Variants in ATP2A3 observed in about 807,000 individuals in gnomAD.
The protein encoded by ATP2A3 is ATPase sarcoplasmic/endoplasmic reticulum Ca2+ transporting 3.
In ATP2A3, 61 loss-of-function variants were observed where a neutral mutation model predicts 106.8. That is an observed-to-expected ratio of 0.57 (90% CI 0.46 to 0.71). The LOEUF (loss-of-function observed/expected upper bound fraction) is 0.71. Ranked by LOEUF, ATP2A3 falls within the 30% of genes least tolerant of loss-of-function variation. ATP2A3 has a pLI of 0.00. For missense variants in ATP2A3, 1,201 were observed against 1,423.5 expected, an observed-to-expected ratio of 0.84 and a Z score of 2.52; for synonymous variants, 611 against 609.3, an observed-to-expected ratio of 1.00 and a Z score of -0.04.
At chr17:3,950,640 C>T in intron 6 of ATP2A3, 44 bp from the exon 7 acceptor site, 1 of 1,613,608 alleles carries the variant, frequency 6.2e-7, no homozygotes. Flanking sequence ...TGAAGACACG[C>T]CCATCCCTTA....
At chr17:3,937,928 A>C (rs554882489) in intron 14 of ATP2A3, among the ~76,000 whole-genome samples, 1 of 152,078 alleles carries the variant, frequency 6.6e-6, no homozygotes, top group Non-Finnish European at 1.5e-5. Context: ...GGTAGGGATG[A>C]AATTGAGGTT....
In ATP2A3 at chr17:3,941,278, C is replaced by T. The variant is rs2053755887; in HGVS notation, c.1793G>A (p.Gly598Asp). ...ETDLTFVGCV[G>D]MLDPPRPEVA... ...CTCAGGTCGCGGCGGGTCCAGCATG[C>T]CTACGCAGCCCACGAAGGTCAGGTC... is the stretch of plus-strand genomic sequence containing the variant. Residue 598 changes from glycine (G) to aspartate (D), a missense_variant, in exon 14 of 21, where the codon GGC becomes GAC. Gly to Asp is a moderately conservative substitution (Grantham distance 94). Around this residue, in one of 2 missense-constraint regions of ATP2A3, gnomAD observed 935 missense variants for 1,176.7 expected, o/e 0.79. Transcript: ENST00000397041. The T allele has an allele frequency of 1.9e-6, 3 of 1,613,652 alleles. No homozygotes were observed. Among genetic ancestry groups the T allele is most frequent in the Non-Finnish European group, 2.5e-6 (3 of 1,179,968 alleles).
At position 3,936,204 on chromosome 17, in the gene ATP2A3, C is replaced by T; in HGVS notation, c.2524+63G>A. On this transcript the variant is annotated intron_variant, in intron 16 of 20. Coordinates refer to ENST00000397041, the MANE Select transcript of ATP2A3 (RefSeq NM_005173.4). This position sits in a 1 kb window ranked among gnomAD's most constrained non-coding sequence, Gnocchi z 5.4. Reference sequence around the variant, plus strand: ...GCTGAGTCACACTGTCTGCAGCTTGCAAGCCTGATACAAGGCTCTTAGGAA... The same window carrying T: ...GCTGAGTCACACTGTCTGCAGCTTGTAAGCCTGATACAAGGCTCTTAGGAA... 2.5e-6 allele frequency: 4 copies of T among 1,591,750 alleles called. No homozygotes were observed. Among genetic ancestry groups the T allele is most frequent in the Admixed American group, 1.7e-5 (1 of 59,986 alleles).
At chr17:3,935,395 C>A in intron 16 of ATP2A3, 118 bp from the exon 17 acceptor site, 1 of 999,512 alleles carries the variant, frequency 1.0e-6, no homozygotes, top group South Asian at 1.4e-5. Flanking sequence ...CTCTCTCAGC[C>A]CTGTGGTTTG....
At position 3,930,105 on chromosome 17, in the gene ATP2A3, C is replaced by T. The variant is rs1055227320; in HGVS notation, c.2744+196G>A. ...CCCAATCTTGGACCCTCTTGACCCA[C>T]AGACCCCAATCCTGGACCCCTGACC... On this transcript the variant is annotated intron_variant, in intron 18 of 20. Transcript: ENST00000397041. The surrounding 1 kb of genome is among the most constrained non-coding windows in gnomAD (Gnocchi z 5.4). Among the ~76,000 whole-genome samples, 7 of 151,480 alleles carry T rather than the reference C, an allele frequency of 4.6e-5. No homozygotes were observed. Among genetic ancestry groups the T allele is most frequent in the African/African-American group, 1.7e-4 (7 of 41,162 alleles).
chr17:3,938,036 T>A (rs908718470), intron 14 of ATP2A3, among the ~76,000 whole-genome samples: 1 of 152,000 alleles, frequency 6.6e-6, no homozygotes, highest in Non-Finnish European at 1.5e-5. Flanking sequence ...GCCAGGTAGG[T>A]GTTGTAGTCA....
At chr17:3,958,731 CACATATATATAG>C (rs1199529840) in intron 1 of ATP2A3, among the ~76,000 whole-genome samples, 2 of 76,266 alleles carry the variant, frequency 2.6e-5, no homozygotes, top group East Asian at 3.4e-4. Context: ...CATATATATA[CACATATATATAG>C]ACACACATAT....
At chr17:3,944,844 C>T in intron 9 of ATP2A3, 38 bp from the exon 10 acceptor site, 1 of 1,571,624 alleles carries the variant, frequency 6.4e-7, no homozygotes, top group East Asian at 2.3e-5. Flanking sequence ...GACCTCGGCT[C>T]CGCCCCCGAG....
Position 3,957,956 on chromosome 17 carries a change from TG to T in ATP2A3, c.119-4247del, listed in dbSNP as rs550717736. Reference sequence around the variant, plus strand: ...TCTGAGCCTCCGCCACGGTGACCCCTGCCTGGCTCATGTTGCCAGACTGAGA... The same window carrying T: ...TCTGAGCCTCCGCCACGGTGACCCCTCCTGGCTCATGTTGCCAGACTGAGA... On this transcript the variant is annotated intron_variant, in intron 1 of 20. Transcript: ENST00000397041. Among the ~76,000 whole-genome samples, 425 of 152,342 alleles carry T rather than the reference TG, an allele frequency of 2.8e-3. 11 individuals carry two copies. The highest frequency in any genetic ancestry group is 6.8e-4 in the Non-Finnish European group (46 of 68,026).
intron 14 of ATP2A3, among the ~76,000 whole-genome samples, chr17:3,939,550 A>G (rs1441129404): frequency 6.6e-6 from 1 of 152,046 alleles, no homozygotes; most frequent in Admixed American, 6.6e-5. Flanking sequence ...GCACTTTGGG[A>G]GGCTGAGGCG....
At position 3,964,426 on chromosome 17, in the gene ATP2A3, G is replaced by C; in HGVS notation, c.-135C>G. 2 of 322,672 alleles carry C rather than the reference G, an allele frequency of 6.2e-6. No individual in the cohort carries two copies. Among genetic ancestry groups the C allele is most frequent in the Non-Finnish European group, 9.4e-6 (2 of 211,728 alleles). 20.0% of individuals were successfully genotyped at this position (322,672 alleles called of 1,614,324 possible). On this transcript the variant is annotated 5_prime_UTR_variant, in exon 1 of 21. Coordinates refer to ENST00000397041, the MANE Select transcript of ATP2A3 (RefSeq NM_005173.4). Reference sequence around the variant, plus strand: ...CCATGTCCGTGCTGGGACCTTACCCGACGGCAGTGGCGGCGGCGGCCCCGG... The same window carrying C: ...CCATGTCCGTGCTGGGACCTTACCCCACGGCAGTGGCGGCGGCGGCCCCGG...
At position 3,947,816 on chromosome 17, in the gene ATP2A3, C is replaced by T. The variant is rs370937213; in HGVS notation, c.670G>A (p.Val224Met). Residue 224 changes from valine to methionine, a missense_variant, in exon 8 of 21, where the codon GTG becomes ATG. By Grantham distance (21) the Val-to-Met change is conservative (BLOSUM62 1). This residue lies in a region of ATP2A3 where 935 missense variants were observed against 1,176.7 expected (regional missense o/e 0.79). Transcript: ENST00000397041. This position sits in a 1 kb window ranked among gnomAD's most constrained non-coding sequence, Gnocchi z 7.7. The stretch of plus-strand genomic sequence containing the variant: ...AGCTCCGTGTGCAGGCCGGTGGCCA[C>T]GGCCACACCCACCGCTTTGCCCGAT... ...ITSGKAVGVAVATGLHTELGK... is the reference protein window; with the variant it reads ...ITSGKAVGVAMATGLHTELGK... 1.0e-5 allele frequency: 16 copies of T among 1,599,370 alleles called. No homozygotes were observed. Among genetic ancestry groups the T allele is most frequent in the African/African-American group, 8.0e-5 (6 of 74,938 alleles).
chr17:3,949,982 T>C (rs2054322096), intron 7 of ATP2A3, among the ~76,000 whole-genome samples: 1 of 151,342 alleles, frequency 6.6e-6, no homozygotes. Context: ...GTGAACGTGG[T>C]GAAACCTTGT....
At chr17:3,956,362 G>A (rs976199456) in intron 1 of ATP2A3, among the ~76,000 whole-genome samples, 7 of 152,176 alleles carry the variant, frequency 4.6e-5, no homozygotes, top group African/African-American at 1.7e-4. Flanking sequence ...GTTTTGAGAA[G>A]AAGGATGTGT....
intron 12 of ATP2A3, among the ~76,000 whole-genome samples, 182 bp from the exon 13 acceptor site, chr17:3,941,836 G>A (rs2053799991): frequency 6.6e-6 from 1 of 152,210 alleles, no homozygotes. Flanking sequence ...GGGTCCCCCT[G>A]TGAGACAATC....
chr17:3,958,801 T>TACACAC lies in ATP2A3; in HGVS notation c.119-5097_119-5092dup, dbSNP rs1270061834. Among the ~76,000 whole-genome samples the TACACAC allele has an allele frequency of 1.1e-3, 116 of 107,608 alleles. 2 individuals are homozygous for TACACAC. Among genetic ancestry groups the TACACAC allele is most frequent in the Middle Eastern group, 5.3e-3 (1 of 190 alleles). 70.6% of individuals were successfully genotyped at this position (107,608 alleles called of 152,430 possible). A position where few individuals can be genotyped will look rare whatever the true frequency, so the allele number is the denominator to read the frequency against. On this transcript the variant is annotated intron_variant, in intron 1 of 20. Transcript: ENST00000397041. ...ACACACATATATATACACATATATA[T>TACACAC]ACACACATATATATATACACACATA...
chr17:3,962,801 A>G (rs1357794239), intron 1 of ATP2A3, among the ~76,000 whole-genome samples: 5 of 152,204 alleles, frequency 3.3e-5, no homozygotes, highest in Non-Finnish European at 5.9e-5. Context: ...AGTTTCCCTC[A>G]GGAATCAGGA....
rs1367451995 is a variant in ATP2A3, at chr17:3,926,020, T to C, written c.2981-579A>G. ...GCCCGCCTGTAACCTCCCAGATCTG[T>C]CCCCAATACAACCACCACAGCCCAG... is the stretch of plus-strand genomic sequence containing the variant. On this transcript the variant is annotated intron_variant, in intron 20 of 20. Transcript: ENST00000397041. This position sits in a 1 kb window ranked among gnomAD's most constrained non-coding sequence, Gnocchi z 4.6. 6.6e-6 allele frequency among the ~76,000 whole-genome samples: 1 copy of C among 150,398 alleles called. No individual in the cohort carries two copies. The highest frequency in any genetic ancestry group is 1.5e-5 in the Non-Finnish European group (1 of 67,590).
chr17:3,929,428 G>A lies in ATP2A3; in HGVS notation c.2762C>T (p.Ser921Leu), dbSNP rs774051233. The A allele has an allele frequency of 2.5e-6, 4 of 1,593,946 alleles. No individual in the cohort carries two copies. Among genetic ancestry groups the A allele is most frequent in the South Asian group, 1.1e-5 (1 of 87,928 alleles). The change falls in exon 19 of 21, where the codon TCG becomes TTG. Residue 921 changes from serine to leucine, a missense_variant. Ser to Leu is a moderately radical substitution (Grantham distance 145). Coordinates refer to ENST00000397041, the MANE Select transcript of ATP2A3 (RefSeq NM_005173.4). This position sits in a 1 kb window ranked among gnomAD's most constrained non-coding sequence, Gnocchi z 4.3. The part of the protein sequence containing the change: ...NALNSVSENQ[S>L]LLRMPPWMNP... Reference sequence around the variant, plus strand: ...CATCCAGGGCGGCATCCGCAGCAGCGACTGGTTCTCCGAGACGCTGCCAGG... The same window carrying A: ...CATCCAGGGCGGCATCCGCAGCAGCAACTGGTTCTCCGAGACGCTGCCAGG...
Sources: gnomAD v4.1 joint callset for allele counts (sites outside exome capture counted in the v4.1 genomes callset) on GRCh38, gnomAD v4.1.1 for gene constraint, gnomAD v4.1.1 regional missense constraint, Gnocchi (gnomAD v3.1) non-coding constraint, MANE v1.5 for transcripts, NCBI Gene and HGNC (gene_info 2026-07-23, HGNC 2026-07-21) for gene names.